Variants in TTC14 observed in about 807,000 individuals in gnomAD.
TTC14 encodes tetratricopeptide repeat domain 14.
A neutral mutation model predicts 79.9 loss-of-function variants in TTC14; 63 were observed. That is an observed-to-expected ratio of 0.79 (90% CI 0.64 to 0.97). The LOEUF (loss-of-function observed/expected upper bound fraction) is 0.97. TTC14 is among the 50% of genes least tolerant of loss of function. The pLI, the probability that TTC14 is intolerant of heterozygous loss-of-function variation, is 0.00. For missense variants in TTC14, 895 were observed against 894.0 expected, an observed-to-expected ratio of 1.00 and a Z score of -0.01; for synonymous variants, 335 against 309.6, an observed-to-expected ratio of 1.08 and a Z score of -0.86.
At chr3:180,613,432 G>A (rs184233709), downstream of TTC14, among the ~76,000 whole-genome samples, 37 of 152,284 alleles carry the variant, frequency 2.4e-4, no homozygotes, top group Middle Eastern at 6.8e-3. Context: ...GCTGGCCCAA[G>A]AACCAAACCA....
chr3:180,612,641 G>C (rs1338011580), downstream of TTC14, among the ~76,000 whole-genome samples: 1 of 151,756 alleles, frequency 6.6e-6, no homozygotes, highest in African/African-American at 2.4e-5. Flanking sequence ...TCCCAGCTAT[G>C]CGGGAGGATC....
In TTC14 at chr3:180,607,724, G is replaced by A. The variant is rs759350033; in HGVS notation, c.1249G>A (p.Asp417Asn). 2 of 1,612,182 alleles carry A rather than the reference G, an allele frequency of 1.2e-6. No individual in the cohort carries two copies. Among genetic ancestry groups the A allele is most frequent in the African/African-American group, 1.3e-5 (1 of 75,024 alleles). ...TTTGGCTTTGGATGAGACTTTTAAA[G>A]ATGCAGAGGATGCTTTGCAGAAACT... ...KALALDETFKDAEDALQKLHK... is the reference protein window; with the variant it reads ...KALALDETFKNAEDALQKLHK... Residue 417 changes from aspartate (D) to asparagine (N), a missense_variant, in exon 10 of 12, where the codon GAT becomes AAT. Transcript: ENST00000296015.
chr3:180,608,492 C>T, intron 10 of TTC14: 1 of 1,103,258 alleles, frequency 9.1e-7, no homozygotes, highest in Non-Finnish European at 1.1e-6. Context: ...ATATGGTCCT[C>T]AATGCTGTTC....
Position 180,611,100 on chromosome 3 carries a change from A to G in TTC14, c.*558A>G. 1.0e-6 allele frequency: 1 copy of G among 984,404 alleles called. No homozygotes were observed. The highest frequency in any genetic ancestry group is 1.2e-6 in the Non-Finnish European group (1 of 829,100). The allele number at this position is 984,404 out of a possible 1,614,324, so 61.0% of individuals were successfully genotyped here. A position where few individuals can be genotyped will look rare whatever the true frequency, so the allele number is the denominator to read the frequency against. ...ATGTCTTAATTTTCCTCTAAAGCCC[A>G]ATTTGATTAAAAGTGGTTTGTGAAC... On this transcript the variant is annotated 3_prime_UTR_variant, in exon 12 of 12. Coordinates refer to ENST00000296015, the MANE Select transcript of TTC14 (RefSeq NM_133462.4).
In TTC14 at chr3:180,607,935, T is replaced by G; in HGVS notation, c.1290+170T>G. 1.5e-6 allele frequency: 2 copies of G among 1,374,772 alleles called. 1 individual carries two copies. The highest frequency in any genetic ancestry group is 5.4e-4 in the Middle Eastern group (2 of 3,674). 85.2% of individuals were successfully genotyped at this position (1,374,772 alleles called of 1,614,324 possible). On this transcript the variant is annotated intron_variant, in intron 10 of 11. Coordinates refer to ENST00000296015, the MANE Select transcript of TTC14 (RefSeq NM_133462.4). ...TTGACATTGCTTCATAGTGCCTCTG[T>G]TTTTGTCCATAATCGAAAGTAAAGA...
At chr3:180,607,929 C>T in intron 10 of TTC14, 164 bp downstream of exon 10, 1 of 1,387,906 alleles carries the variant, frequency 7.2e-7, no homozygotes, top group Non-Finnish European at 9.3e-7. Context: ...CTTCATAGTG[C>T]CTCTGTTTTT....
At chr3:180,616,468 A>G (rs774778756) in intron 12 of TTC14, 2 of 1,501,096 alleles carry the variant, frequency 1.3e-6, no homozygotes, top group Non-Finnish European at 8.9e-7. Flanking sequence ...GAAAGTTTTT[A>G]TTTTCATGAA....
chr3:180,602,181 C>T lies in TTC14; in HGVS notation c.-81C>T. The T allele has an allele frequency of 6.5e-7, 1 of 1,549,006 alleles. No individual in the cohort carries two copies. The highest frequency in any genetic ancestry group is 8.7e-7 in the Non-Finnish European group (1 of 1,144,350). Reference sequence around the variant, plus strand: ...AGCCTCCAGACAGTTTCTTCCGCTTCCTGTACCACCCGGCTCAAGTAGCGG... The same window carrying T: ...AGCCTCCAGACAGTTTCTTCCGCTTTCTGTACCACCCGGCTCAAGTAGCGG... On this transcript the variant is annotated 5_prime_UTR_variant, in exon 1 of 12. Coordinates refer to ENST00000296015, the MANE Select transcript of TTC14 (RefSeq NM_133462.4).
Position 180,607,716 on chromosome 3 carries a change from CT to C in TTC14, c.1245del (p.Phe415LeufsTer21). 1 of 1,612,398 alleles carries C rather than the reference CT, an allele frequency of 6.2e-7. No individual in the cohort carries two copies. Among genetic ancestry groups the C allele is most frequent in the Non-Finnish European group, 8.5e-7 (1 of 1,179,240 alleles). On this transcript the variant is annotated frameshift_variant, in exon 10 of 12. Transcript: ENST00000296015. LOFTEE classifies it high-confidence loss of function. Reference protein sequence around the residue: ...YYKKALALDETFKDAEDALQK... With the variant: ...YYKKALALDEXFKDAEDALQK... ...AAGAAAGCTTTGGCTTTGGATGAGA[CT>C]TTTAAAGATGCAGAGGATGCTTTGC...
At chr3:180,614,607 A>T, downstream of TTC14, 1 of 240,772 alleles carries the variant, frequency 4.2e-6, no homozygotes, top group Non-Finnish European at 8.0e-6. Context: ...TTACATTAGA[A>T]GTGAGTGTAG....
In TTC14 at chr3:180,602,235, G is replaced by A. The variant is rs746332539; in HGVS notation, c.-27G>A. ...CGGAACAGGGAACTATCAGCCCGTC[G>A]GCCTCCGGGCCCTGCATTCTCTAGC... On this transcript the variant is annotated 5_prime_UTR_variant, in exon 1 of 12. Coordinates refer to ENST00000296015, the MANE Select transcript of TTC14 (RefSeq NM_133462.4). 4 of 1,611,512 alleles carry A rather than the reference G, an allele frequency of 2.5e-6. No homozygotes were observed. The South Asian group carries it at 4.4e-5, about 18-fold the overall frequency.
intron 1 of TTC14, 31 bp from the exon 2 acceptor site, chr3:180,602,860 C>G: frequency 6.3e-7 from 1 of 1,589,124 alleles, no homozygotes; most frequent in Non-Finnish European, 8.5e-7. Flanking sequence ...GCAGATAACC[C>G]AATTTTCATA....
downstream of TTC14, among the ~76,000 whole-genome samples, chr3:180,612,001 C>A (rs1717013069): frequency 6.6e-6 from 1 of 152,096 alleles, no homozygotes. Context: ...TGAAAAGAAA[C>A]CCTGGTCAAG....
At chr3:180,608,259 AT>A (rs1716802054) in intron 10 of TTC14, 1 of 987,504 alleles carries the variant, frequency 1.0e-6, no homozygotes, top group Non-Finnish European at 1.2e-6. Flanking sequence ...GGGCTGTGCT[AT>A]TTTTTTAAAT....
rs1339163788 is a variant in TTC14, at chr3:180,611,008, A to ATAT, written c.*468_*470dup. On this transcript the variant is annotated 3_prime_UTR_variant, in exon 12 of 12. Coordinates refer to ENST00000296015, the MANE Select transcript of TTC14 (RefSeq NM_133462.4). ...GTTCGAATGTTTCTTGAACACTTTT[A>ATAT]TATTTATCAGTTTAAATATTACATT... 1.1e-6 allele frequency: 1 copy of ATAT among 935,038 alleles called. No homozygotes were observed. The highest frequency in any genetic ancestry group is 1.3e-6 in the Non-Finnish European group (1 of 784,406). The allele number at this position is 935,038 out of a possible 1,614,324, so 57.9% of individuals were successfully genotyped here.
Position 180,606,608 on chromosome 3 carries a change from G to A in TTC14, c.1172+5G>A. On this transcript the variant is annotated splice_donor_5th_base_variant and intron_variant, in intron 9 of 11. Coordinates refer to ENST00000296015, the MANE Select transcript of TTC14 (RefSeq NM_133462.4). ...ACTTGTAGAGAGAGGAGGACAGTAAGTATCAGATTTTGTTTAATAGTGGAG... is the reference window on the plus strand; with the variant it reads ...ACTTGTAGAGAGAGGAGGACAGTAAATATCAGATTTTGTTTAATAGTGGAG... 1 of 1,606,712 alleles carries A rather than the reference G, an allele frequency of 6.2e-7. No homozygotes were observed. The highest frequency in any genetic ancestry group is 8.5e-7 in the Non-Finnish European group (1 of 1,177,838).
chr3:180,606,276 T>A lies in TTC14; in HGVS notation c.953T>A (p.Phe318Tyr), dbSNP rs758434099. 1.2e-6 allele frequency: 2 copies of A among 1,614,118 alleles called. No homozygotes were observed. The highest frequency in any genetic ancestry group is 4.5e-5 in the East Asian group (2 of 44,870). ...AGTGTGAAGATCGGAGTTGACTATT[T>A]TAAAGTTGGACGCCATGTGGATGCT... is the stretch of plus-strand genomic sequence containing the variant. ...LKCVKIGVDY[F>Y]KVGRHVDAMN... Residue 318 changes from phenylalanine (F) to tyrosine (Y), a missense_variant, in exon 8 of 12, where the codon TTT becomes TAT. Physicochemically the swap from Phe to Tyr is conservative, Grantham distance 22 (BLOSUM62 3). Coordinates refer to ENST00000296015, the MANE Select transcript of TTC14 (RefSeq NM_133462.4).
At chr3:180,602,800 G>A in intron 1 of TTC14, 91 bp from the exon 2 acceptor site, 1 of 1,408,302 alleles carries the variant, frequency 7.1e-7, no homozygotes, top group Non-Finnish European at 9.5e-7. Flanking sequence ...AGGATGGAGC[G>A]GAATGGGCGA....
At chr3:180,603,565 A>T (rs1716506153) in intron 3 of TTC14, 7 of 488,826 alleles carry the variant, frequency 1.4e-5, no homozygotes, top group African/African-American at 3.9e-5. Flanking sequence ...TCTTTTCTAA[A>T]TGCTCAAAGA....
Sources: gnomAD v4.1 joint callset for allele counts (sites outside exome capture counted in the v4.1 genomes callset) on GRCh38, gnomAD v4.1.1 for gene constraint, MANE v1.5 for transcripts, NCBI Gene and HGNC (gene_info 2026-07-23, HGNC 2026-07-21) for gene names.